Variants in ADGRD2 observed in about 807,000 individuals in gnomAD.
ADGRD2 encodes G protein-coupled receptor PGR24.
Under a neutral mutation model 44.4 loss-of-function variants are expected in ADGRD2, and 71 were observed. The ratio of observed to expected loss-of-function variants is 1.60; its 90% CI spans 1.32 to 1.95. The LOEUF (loss-of-function observed/expected upper bound fraction) is 1.95, where lower values mean the gene tolerates loss of function less well. Among genes scored for constraint, ADGRD2 ranks in the 30% most tolerant of loss-of-function variants. ADGRD2 has a pLI of 0.00. For synonymous variants in ADGRD2, 481 were observed against 224.8 expected (o/e 2.14, Z -10.19); for missense variants, 1,039 against 512.4 (o/e 2.03, Z -9.92).
In ADGRD2 at chr9:124,469,552, G is replaced by A; in HGVS notation, c.2637+5G>A. ...GCAGATCTGGACCCAGATATGGTGA[G>A]GCCCCAGAATGGGGGGCCAGCAGGA... On this transcript the variant is annotated splice_donor_5th_base_variant and intron_variant, in intron 16 of 21. Transcript: ENST00000334810. 1 of 717,736 alleles carries A rather than the reference G, an allele frequency of 1.4e-6. No homozygotes were observed. The highest frequency in any genetic ancestry group is 2.6e-6 in the Non-Finnish European group (1 of 384,982). 44.5% of individuals were successfully genotyped at this position (717,736 alleles called of 1,614,324 possible). A position where few individuals can be genotyped will look rare whatever the true frequency, so the allele number is the denominator to read the frequency against.
At chr9:124,452,114 C>G (rs1831487033) in exon 1 of ADGRD2, 1 of 717,818 alleles carries the variant, frequency 1.4e-6, no homozygotes, top group Non-Finnish European at 2.6e-6. Flanking sequence ...CTGGGACCCC[C>G]TCCAACTCCC....
At chr9:124,456,228 T>G (rs2131232430) in intron 6 of ADGRD2, among the ~76,000 whole-genome samples, 1 of 152,324 alleles carries the variant, frequency 6.6e-6, no homozygotes, top group South Asian at 2.1e-4. Flanking sequence ...GCCCCATGAA[T>G]GCAGGTTCCT....
Position 124,466,423 on chromosome 9 carries a change from C to A in ADGRD2, c.2026+10C>A, listed in dbSNP as rs772120780. On this transcript the variant is annotated intron_variant, in intron 11 of 21. Coordinates refer to ENST00000334810, the Ensembl canonical transcript of ADGRD2. ...AATCTATGAAGTACAGGTGAGTGCA[C>A]GGTGGGAGGGGGGTGTCAGGAGGGG... 1.5e-5 allele frequency: 10 copies of A among 682,028 alleles called. No individual in the cohort carries two copies. The highest frequency in any genetic ancestry group is 8.2e-6 in the Non-Finnish European group (3 of 364,004). 42.2% of individuals were successfully genotyped at this position (682,028 alleles called of 1,614,324 possible). A position where few individuals can be genotyped will look rare whatever the true frequency, so the allele number is the denominator to read the frequency against.
Position 124,470,546 on chromosome 9 carries a change from C to T in ADGRD2, c.2692C>T (p.Leu898=), listed in dbSNP as rs1588608418. The change falls in exon 17 of 22, where the codon CTG becomes TTG. Residue 898 remains leucine, a synonymous_variant. Coordinates refer to ENST00000334810, the Ensembl canonical transcript of ADGRD2. ...GCTGCCCGTCCTAGGCCTGACCTGG[C>T]TGGCAGGCATCCTGGTGCACCTGAG... 1.5e-5 allele frequency: 11 copies of T among 710,764 alleles called. No homozygotes were observed. In the East Asian group the frequency reaches 3.0e-4, roughly 19 times the overall value. 44.0% of individuals were successfully genotyped at this position (710,764 alleles called of 1,614,324 possible). A position where few individuals can be genotyped will look rare whatever the true frequency, so the allele number is the denominator to read the frequency against.
At chr9:124,455,248 C>T in intron 6 of ADGRD2, 121 bp downstream of exon 9, 1 of 578,388 alleles carries the variant, frequency 1.7e-6, no homozygotes, top group Admixed American at 3.0e-5. Flanking sequence ...CTGCGTCTAT[C>T]CTGAAAAGCT....
intron 10 of ADGRD2, among the ~76,000 whole-genome samples, chr9:124,462,205 T>C (rs1437303542): frequency 6.6e-6 from 1 of 151,712 alleles, no homozygotes; most frequent in African/African-American, 2.4e-5. Context: ...TAGCTGGGAT[T>C]ACAGGCGATC....
chr9:124,453,657 G>T (rs1029635848), exon 3 of ADGRD2: 176 of 700,706 alleles, frequency 2.5e-4, no homozygotes, highest in Non-Finnish European at 3.9e-4. Context: ...CCACTGTGTG[G>T]GTGCGCCTTC....
exon 3 of ADGRD2, chr9:124,453,435 C>T (rs991126709): frequency 1.4e-5 from 9 of 662,510 alleles, no homozygotes; most frequent in African/African-American, 7.7e-5. Flanking sequence ...TGCCGTCCGG[C>T]GGCATCCTGG....
chr9:124,470,504 A>G (rs780778920), exon 17 of ADGRD2: 62 of 710,636 alleles, frequency 8.7e-5, no homozygotes, highest in South Asian at 6.5e-4. Flanking sequence ...GGCCACGGTG[A>G]AGCCCGTGCT....
At chr9:124,477,223 C>T (rs1042726562) in intron 21 of ADGRD2, 5 of 371,028 alleles carry the variant, frequency 1.3e-5, no homozygotes, top group Middle Eastern at 7.9e-4. Context: ...AGGGTGGGTA[C>T]TGTGGGAGGG....
chr9:124,468,437 G>A, intron 13 of ADGRD2, 82 bp from the exon 17 acceptor site: 1 of 711,646 alleles, frequency 1.4e-6, no homozygotes, highest in Admixed American at 2.0e-5. Flanking sequence ...GGTTGGCAAG[G>A]CCGGGCTGGG....
At chr9:124,452,110 C>T (rs754116256) in exon 1 of ADGRD2, 2 of 709,004 alleles carry the variant, frequency 2.8e-6, no homozygotes, top group Non-Finnish European at 5.3e-6. Context: ...CTCTCTGGGA[C>T]CCCCTCCAAC....
At chr9:124,468,526 G>A (rs1211500079) in exon 14 of ADGRD2, 1 of 718,548 alleles carries the variant, frequency 1.4e-6, no homozygotes, top group Non-Finnish European at 2.6e-6. Flanking sequence ...CAGGTGGCAT[G>A]TGTGGCTGTC....
chr9:124,477,289 G>A (rs372633558), intron 21 of ADGRD2, among the ~76,000 whole-genome samples: 3 of 152,174 alleles, frequency 2.0e-5, no homozygotes, highest in Non-Finnish European at 4.4e-5. Context: ...GAGCTCAGCC[G>A]GGCCCAGGGG....
At chr9:124,472,146 G>GTCAGCCATGGGGCAATGCCACCA in intron 17 of ADGRD2, among the ~76,000 whole-genome samples, 1 of 143,364 alleles carries the variant, frequency 7.0e-6, no homozygotes, top group Non-Finnish European at 1.5e-5. Flanking sequence ...CAATGCCACC[G>GTCAGCCATGGGGCAATGCCACCA]TCAGCCATGG....
chr9:124,461,589 A>C (rs1301046823), intron 10 of ADGRD2, among the ~76,000 whole-genome samples: 1 of 152,132 alleles, frequency 6.6e-6, no homozygotes, highest in South Asian at 2.1e-4. Context: ...AATTGTCTGC[A>C]TATGTGTAGA....
In ADGRD2 at chr9:124,453,523, C is replaced by T. The variant is rs539411435; in HGVS notation, c.772C>T (p.His258Tyr). ...CCTCAGCGGCAACCTCACCGACTTC[C>T]ACCTGTGGGCGCGGGCGCTGAGCCC... The change falls in exon 3 of 22, where the codon CAC (histidine) becomes TAC (tyrosine). Residue 258 changes from histidine (H) to tyrosine (Y), a missense_variant. By Grantham distance (83) the His-to-Tyr change is moderately conservative. Transcript: ENST00000334810. 1.1e-3 allele frequency: 739 copies of T among 700,208 alleles called. 9 individuals carry two copies. In the Admixed American group the frequency reaches 0.014, roughly 14 times the overall value. 43.4% of individuals were successfully genotyped at this position (700,208 alleles called of 1,614,324 possible).
At chr9:124,453,403 G>T in exon 3 of ADGRD2, 1 of 601,490 alleles carries the variant, frequency 1.7e-6, no homozygotes, top group South Asian at 1.9e-5. Flanking sequence ...TGGGGCGCGG[G>T]GGCTGGGCGC....
chr9:124,477,748 G>T (rs1341762752), intron 21 of ADGRD2, among the ~76,000 whole-genome samples: 1 of 152,158 alleles, frequency 6.6e-6, no homozygotes, highest in African/African-American at 2.4e-5. Flanking sequence ...AGAATGGGCT[G>T]GAGGCGCCCC....
Sources: allele counts gnomAD v4.1 joint callset (sites outside exome capture counted in the v4.1 genomes callset), GRCh38; gene constraint gnomAD v4.1.1; transcripts MANE v1.5; gene names NCBI Gene and HGNC (gene_info 2026-07-23, HGNC 2026-07-21).